DDX10: variants seen among roughly 807,000 people sequenced by gnomAD.
DDX10 encodes probable ATP-dependent RNA helicase DDX10.
Under a neutral mutation model 104.3 loss-of-function variants are expected in DDX10, and 74 were observed. The observed-to-expected ratio is 0.71, with a 90% CI of 0.59 to 0.86. The LOEUF (loss-of-function observed/expected upper bound fraction) is 0.86, where lower values mean the gene tolerates loss of function less well. Ranked by LOEUF, DDX10 falls within the 40% of genes least tolerant of loss-of-function variation. The pLI, the probability that DDX10 is intolerant of heterozygous loss-of-function variation, is 0.00. For synonymous variants in DDX10, 351 were observed against 353.4 expected, an observed-to-expected ratio of 0.99 and a Z score of 0.08; for missense variants, 952 against 1,040.0, an observed-to-expected ratio of 0.92 and a Z score of 1.16.
chr11:108,693,197 C>A (rs1034261598), intron 8 of DDX10, among the ~76,000 whole-genome samples: 1 of 152,120 alleles, frequency 6.6e-6, no homozygotes, highest in East Asian at 1.9e-4. Context: ...GTCCATGTCC[C>A]CATTAGAAGT....
At chr11:108,920,167 A>G (rs1156579994) in intron 17 of DDX10, 1 of 152,238 alleles carries the variant, frequency 6.6e-6, no homozygotes, top group Non-Finnish European at 1.5e-5. Flanking sequence ...GACAGAATAT[A>G]GATGGAGAGT....
chr11:108,757,600 G>A (rs2094345966), intron 13 of DDX10, among the ~76,000 whole-genome samples: 1 of 152,016 alleles, frequency 6.6e-6, no homozygotes, highest in Admixed American at 6.6e-5. Flanking sequence ...TAATAATCAA[G>A]CTTTTTTCCA....
chr11:108,728,143 G>A (rs940327551), intron 13 of DDX10, among the ~76,000 whole-genome samples: 1 of 151,992 alleles, frequency 6.6e-6, no homozygotes, highest in Non-Finnish European at 1.5e-5. Context: ...GCAAATTGCT[G>A]TAAAAATTTA....
intron 1 of DDX10, among the ~76,000 whole-genome samples, chr11:108,670,928 C>T (rs1016348977): frequency 2.0e-5 from 3 of 151,986 alleles, no homozygotes; most frequent in African/African-American, 7.3e-5. Flanking sequence ...TTCACTTTAG[C>T]GAGAAATAGG....
chr11:108,665,096 T>G lies in DDX10; in HGVS notation c.-58T>G. On this transcript the variant is annotated 5_prime_UTR_variant, in exon 1 of 18. Coordinates refer to ENST00000322536, the MANE Select transcript of DDX10 (RefSeq NM_004398.4). ...GTTTGTCCCATGCTGGTTCCGTGAG[T>G]CTGGCCTTAGGTGTCTCGTGTCTGG... is the stretch of plus-strand genomic sequence containing the variant. 2 of 1,509,288 alleles carry G rather than the reference T, an allele frequency of 1.3e-6. No individual in the cohort carries two copies. Among genetic ancestry groups the G allele is most frequent in the African/African-American group, 1.4e-5 (1 of 70,088 alleles). 93.5% of individuals were successfully genotyped at this position (1,509,288 alleles called of 1,614,324 possible).
At chr11:108,711,856 C>A (rs1447368763) in intron 10 of DDX10, among the ~76,000 whole-genome samples, 1 of 152,114 alleles carries the variant, frequency 6.6e-6, no homozygotes, top group Non-Finnish European at 1.5e-5. Flanking sequence ...CAACTATGTT[C>A]TTACTGACTT....
chr11:108,879,255 C>T (rs1277171456), intron 16 of DDX10, among the ~76,000 whole-genome samples: 1 of 152,126 alleles, frequency 6.6e-6, no homozygotes, highest in East Asian at 1.9e-4. Flanking sequence ...CTGCCTCGGC[C>T]TCCCAAAGTG....
chr11:108,872,105 C>CAGT (rs1863090634), intron 16 of DDX10, among the ~76,000 whole-genome samples: 1 of 152,184 alleles, frequency 6.6e-6, no homozygotes, highest in African/African-American at 2.4e-5. Flanking sequence ...AACTATCTTG[C>CAGT]AGTAATCTTG....
At chr11:108,776,897 T>A (rs1335412565) in intron 13 of DDX10, among the ~76,000 whole-genome samples, 3 of 152,184 alleles carry the variant, frequency 2.0e-5, no homozygotes, top group African/African-American at 7.2e-5. Context: ...CTGAATGAGC[T>A]TGGAAGTCAA....
intron 15 of DDX10, among the ~76,000 whole-genome samples, chr11:108,843,510 A>G (rs372288268): frequency 1.4e-4 from 22 of 151,814 alleles, no homozygotes; most frequent in African/African-American, 4.8e-4. Context: ...CTGTAATCCC[A>G]GCACTTTGGG....
At chr11:108,795,385 G>A (rs968480094) in intron 13 of DDX10, among the ~76,000 whole-genome samples, 1 of 150,466 alleles carries the variant, frequency 6.6e-6, no homozygotes, top group Admixed American at 6.6e-5. Context: ...GCCATATTGT[G>A]TGTACATATG....
At chr11:108,858,351 GT>G (rs1430033015) in intron 16 of DDX10, among the ~76,000 whole-genome samples, 3 of 152,048 alleles carry the variant, frequency 2.0e-5, no homozygotes, top group African/African-American at 7.3e-5. Flanking sequence ...CAGCAGCTGA[GT>G]TTTTTTCATG....
At chr11:108,718,820 G>A (rs999143364) in intron 11 of DDX10, among the ~76,000 whole-genome samples, 1 of 152,136 alleles carries the variant, frequency 6.6e-6, no homozygotes, top group African/African-American at 2.4e-5. Context: ...GATTGCTTGT[G>A]GATGATTGTA....
chr11:108,674,963 A>G (rs918818978), intron 2 of DDX10, among the ~76,000 whole-genome samples: 3 of 152,024 alleles, frequency 2.0e-5, no homozygotes, highest in Non-Finnish European at 4.4e-5. Context: ...TCTACATATA[A>G]GTGAGATTAT....
intron 13 of DDX10, among the ~76,000 whole-genome samples, chr11:108,747,401 A>G (rs1405297518): frequency 6.6e-6 from 1 of 152,138 alleles, no homozygotes; most frequent in Non-Finnish European, 1.5e-5. Flanking sequence ...GCAGTGATTG[A>G]TTAATGAGGT....
intron 9 of DDX10, among the ~76,000 whole-genome samples, chr11:108,695,048 A>G (rs2094257844): frequency 6.6e-6 from 1 of 152,246 alleles, no homozygotes; most frequent in Admixed American, 6.5e-5. Flanking sequence ...GTGGAATTGT[A>G]AATGGTTAAC....
At chr11:108,934,521 A>G (rs558678221) in intron 17 of DDX10, among the ~76,000 whole-genome samples, 2 of 152,292 alleles carry the variant, frequency 1.3e-5, no homozygotes, top group African/African-American at 4.8e-5. Context: ...ATGTAAGATG[A>G]GGATAGTTGA....
In DDX10 at chr11:108,677,084, G is replaced by A. The variant is rs2094226351; in HGVS notation, c.379-1G>A. ...GAACATGAATTTGCTGTCTTTTTGAGGTGCTGGAAGCCTTATATCGTCTGC... is the reference window on the plus strand; with the variant it reads ...GAACATGAATTTGCTGTCTTTTTGAAGTGCTGGAAGCCTTATATCGTCTGC... On this transcript the variant is annotated splice_acceptor_variant, in intron 3 of 17. Coordinates refer to ENST00000322536, the MANE Select transcript of DDX10 (RefSeq NM_004398.4). LOFTEE classifies it high-confidence loss of function. 6.3e-7 allele frequency: 1 copy of A among 1,598,980 alleles called. No homozygotes were observed. Among genetic ancestry groups the A allele is most frequent in the South Asian group, 1.1e-5 (1 of 89,632 alleles).
intron 13 of DDX10, among the ~76,000 whole-genome samples, chr11:108,725,671 A>G (rs2094304523): frequency 6.6e-6 from 1 of 152,000 alleles, no homozygotes; most frequent in South Asian, 2.1e-4. Flanking sequence ...AAGTTCTACG[A>G]GTTCTTTGTA....
Sources: gnomAD v4.1 joint callset for allele counts (sites outside exome capture counted in the v4.1 genomes callset) on GRCh38, gnomAD v4.1.1 for gene constraint, MANE v1.5 for transcripts, NCBI Gene and HGNC (gene_info 2026-07-23, HGNC 2026-07-21) for gene names.